The following IMMP2L variants were observed in gnomAD, a reference collection of about 807,000 sequenced individuals.
IMMP2L encodes mitochondrial inner membrane protease subunit 2.
IMMP2L carries 18 observed loss-of-function variants against 19.3 expected under a neutral mutation model. That is an observed-to-expected ratio of 0.93 (90% CI 0.64 to 1.38). IMMP2L has a LOEUF of 1.38. Among genes scored for constraint, IMMP2L ranks in the 40% most tolerant of loss-of-function variants. The pLI is 0.00. For missense variants in IMMP2L, 233 were observed against 218.2 expected, an observed-to-expected ratio of 1.07 and a Z score of -0.43; for synonymous variants, 76 against 73.0, an observed-to-expected ratio of 1.04 and a Z score of -0.21.
intron 3 of IMMP2L, among the ~76,000 whole-genome samples, chr7:111,132,131 T>G (rs1404697478): frequency 2.0e-5 from 3 of 152,022 alleles, no homozygotes; most frequent in Admixed American, 2.0e-4. Flanking sequence ...TTGCAGTTAC[T>G]ACTTATTTGC....
At chr7:111,057,744 A>C (rs1271491576) in intron 3 of IMMP2L, among the ~76,000 whole-genome samples, 5 of 152,222 alleles carry the variant, frequency 3.3e-5, no homozygotes, top group African/African-American at 1.2e-4. Context: ...ATTAAGTATT[A>C]TGTGGTGCTT....
chr7:111,441,903 C>T (rs1220129126), intron 3 of IMMP2L, among the ~76,000 whole-genome samples: 1 of 151,646 alleles, frequency 6.6e-6, no homozygotes, highest in East Asian at 1.9e-4. Context: ...CTTTGGGAGG[C>T]CAAGGCGGGC....
chr7:110,666,921 G>A (rs989659420), intron 5 of IMMP2L, among the ~76,000 whole-genome samples: 3 of 152,138 alleles, frequency 2.0e-5, no homozygotes. Flanking sequence ...TTGTAGGCCG[G>A]AGTGCAGTGG....
intron 3 of IMMP2L, among the ~76,000 whole-genome samples, chr7:111,358,019 A>G (rs935261081): frequency 2.0e-5 from 3 of 151,812 alleles, no homozygotes; most frequent in Non-Finnish European, 2.9e-5. Flanking sequence ...TTGATACCCT[A>G]TCTCAGAGTA....
chr7:110,939,679 A>G (rs1269440384), intron 4 of IMMP2L, among the ~76,000 whole-genome samples: 1 of 152,162 alleles, frequency 6.6e-6, no homozygotes, highest in East Asian at 1.9e-4. Flanking sequence ...GCATGCCTAT[A>G]ATTAAGCAGT....
At chr7:111,514,457 A>G (rs1410102056) in intron 2 of IMMP2L, among the ~76,000 whole-genome samples, 1 of 152,086 alleles carries the variant, frequency 6.6e-6, no homozygotes, top group Non-Finnish European at 1.5e-5. Flanking sequence ...AACATGGCAC[A>G]TGTATACATA....
chr7:111,006,624 T>C (rs1824317502), intron 3 of IMMP2L, among the ~76,000 whole-genome samples: 1 of 152,166 alleles, frequency 6.6e-6, no homozygotes, highest in African/African-American at 2.4e-5. Context: ...CCAAATTCCA[T>C]AGTCCTTGCT....
intron 3 of IMMP2L, among the ~76,000 whole-genome samples, chr7:111,115,248 T>C (rs1372942990): frequency 6.6e-6 from 1 of 152,122 alleles, no homozygotes; most frequent in Non-Finnish European, 1.5e-5. Context: ...TTCCCCAGTA[T>C]ATGGTGTGAT....
intron 3 of IMMP2L, among the ~76,000 whole-genome samples, chr7:111,281,178 GA>G (rs1423221129): frequency 2.7e-5 from 2 of 74,692 alleles, no homozygotes; most frequent in African/African-American, 1.1e-4. Flanking sequence ...AAGAAAGAAA[GA>G]AAGAAAGAAA....
chr7:110,797,014 CAAG>C (rs938738042), intron 5 of IMMP2L, among the ~76,000 whole-genome samples: 5 of 151,922 alleles, frequency 3.3e-5, no homozygotes, highest in African/African-American at 9.7e-5. Context: ...TCCCCACTTC[CAAG>C]AAGAGTGCCA....
chr7:111,007,183 G>A (rs889190937), intron 3 of IMMP2L, among the ~76,000 whole-genome samples: 2 of 152,092 alleles, frequency 1.3e-5, no homozygotes, highest in Non-Finnish European at 2.9e-5. Context: ...AAGAGCGAAG[G>A]AGAAACTTCC....
chr7:111,553,816 C>G (rs987186660), intron 1 of IMMP2L, among the ~76,000 whole-genome samples: 2 of 152,148 alleles, frequency 1.3e-5, no homozygotes, highest in African/African-American at 4.8e-5. Context: ...GACAAGGTAG[C>G]CAGCTCTTAA....
chr7:111,339,358 T>C (rs1430781754), intron 3 of IMMP2L, among the ~76,000 whole-genome samples: 1 of 151,912 alleles, frequency 6.6e-6, no homozygotes, highest in Non-Finnish European at 1.5e-5. Flanking sequence ...TATTTCTCTC[T>C]GAAATAATTC....
At chr7:111,317,948 C>CA (rs1824283766) in intron 3 of IMMP2L, among the ~76,000 whole-genome samples, 1 of 151,880 alleles carries the variant, frequency 6.6e-6, no homozygotes, top group Admixed American at 6.6e-5. Flanking sequence ...GAAAAAATAC[C>CA]AAATAGGCTG....
rs945267490 is a variant in IMMP2L, at chr7:110,865,716, TTC to T, written c.408+20875_408+20876del. ...AAAGAAGTCACTGTAGAGATACCCC[TTC>T]TGTATTTTTCCCTATTCATTAATCA... On this transcript the variant is annotated intron_variant, in intron 5 of 5. Transcript: ENST00000405709. 3.3e-5 allele frequency among the ~76,000 whole-genome samples: 5 copies of T among 152,006 alleles called. No homozygotes were observed. In the South Asian group the frequency reaches 6.2e-4, roughly 19 times the overall value.
At chr7:111,316,424 T>C (rs771935710) in intron 3 of IMMP2L, among the ~76,000 whole-genome samples, 5 of 152,136 alleles carry the variant, frequency 3.3e-5, no homozygotes, top group African/African-American at 4.8e-5. Context: ...GTAAAATTCT[T>C]AGTTATGATC....
intron 2 of IMMP2L, among the ~76,000 whole-genome samples, chr7:111,496,660 A>G (rs1328523157): frequency 2.0e-5 from 3 of 152,130 alleles, no homozygotes; most frequent in Non-Finnish European, 2.9e-5. Context: ...CAAATCTTAG[A>G]ACTCCAGGTC....
chr7:111,452,848 T>C (rs954919058), intron 3 of IMMP2L, among the ~76,000 whole-genome samples: 9 of 152,110 alleles, frequency 5.9e-5, no homozygotes, highest in Admixed American at 2.0e-4. Flanking sequence ...ATAGTACTTA[T>C]CTCCTAACAA....
At chr7:111,559,839 G>T (rs1047348920) in intron 1 of IMMP2L, among the ~76,000 whole-genome samples, 10 of 152,014 alleles carry the variant, frequency 6.6e-5, no homozygotes, top group Non-Finnish European at 1.5e-4. Flanking sequence ...ATGGCCCAAA[G>T]TGACACAGCT....
Sources: gnomAD v4.1 joint callset for allele counts (sites outside exome capture counted in the v4.1 genomes callset) on GRCh38, gnomAD v4.1.1 for gene constraint, MANE v1.5 for transcripts, NCBI Gene and HGNC (gene_info 2026-07-23, HGNC 2026-07-21) for gene names.